Variants in ANKS1B observed in about 807,000 individuals in gnomAD.
The protein encoded by ANKS1B is ankyrin repeat and sterile alpha motif domain containing 1B.
ANKS1B carries 36 observed loss-of-function variants against 148.3 expected under a neutral mutation model. That is an observed-to-expected ratio of 0.24 (90% confidence interval 0.19 to 0.32). The LOEUF (loss-of-function observed/expected upper bound fraction) is 0.32. Among genes scored for constraint, ANKS1B ranks in the 10% least tolerant of loss-of-function variants. The pLI is 1.00. For synonymous variants in ANKS1B, 542 were observed against 560.8 expected (o/e 0.97, Z 0.47); for missense variants, 1,157 against 1,542.6 (o/e 0.75, Z 4.19).
chr12:99,856,403 T>C (rs182583807), intron 1 of ANKS1B, among the ~76,000 whole-genome samples: 168 of 151,358 alleles, frequency 1.1e-3, no homozygotes, highest in African/African-American at 3.6e-3. Context: ...AGCAGTGAGA[T>C]TGAAATGCTA....
chr12:99,730,840 T>C (rs2059068586), intron 8 of ANKS1B, among the ~76,000 whole-genome samples: 1 of 152,222 alleles, frequency 6.6e-6, no homozygotes, highest in South Asian at 2.1e-4. Flanking sequence ...CGTTTCTTCA[T>C]CTACTTATTA....
intron 17 of ANKS1B, among the ~76,000 whole-genome samples, chr12:98,942,960 GAGTTCA>G: frequency 6.6e-6 from 1 of 152,272 alleles, no homozygotes; most frequent in East Asian, 1.9e-4. Context: ...GAATAGTGAG[GAGTTCA>G]AATGAGAAAA....
chr12:99,258,035 T>C (rs2075483409), intron 12 of ANKS1B, among the ~76,000 whole-genome samples: 1 of 152,328 alleles, frequency 6.6e-6, no homozygotes, highest in East Asian at 1.9e-4. Flanking sequence ...TCAGAGTACC[T>C]AGACTGACAT....
intron 1 of ANKS1B, among the ~76,000 whole-genome samples, chr12:99,831,608 C>T (rs542472293): frequency 3.4e-4 from 52 of 152,246 alleles, no homozygotes; most frequent in African/African-American, 1.2e-3. Context: ...ACACTGCCTG[C>T]CTCCAGAGCT....
chr12:99,552,585 C>T (rs1294183829), intron 9 of ANKS1B, among the ~76,000 whole-genome samples: 1 of 151,008 alleles, frequency 6.6e-6, no homozygotes, highest in Non-Finnish European at 1.5e-5. Flanking sequence ...ATGATAAACA[C>T]ATTTTATCTT....
rs539745787 is a variant in ANKS1B, at chr12:99,406,004, C to T, written c.1576-6193G>A. On this transcript the variant is annotated intron_variant, in intron 11 of 26. Transcript: ENST00000683438. ...ATGATATCATAATTTCAAATATATA[C>T]GCACCCAGATATATAAAGCAAATAT... Among the ~76,000 whole-genome samples the T allele has an allele frequency of 9.0e-5, 13 of 144,886 alleles. 1 individual carries two copies. The highest frequency in any genetic ancestry group is 2.1e-4 in the South Asian group (1 of 4,744).
rs557027210 is a variant in ANKS1B at position 99,600,348 on chromosome 12, G to A, written c.1272+54719C>T. On this transcript the variant is annotated intron_variant, in intron 9 of 26. Coordinates refer to ENST00000683438, the MANE Select transcript of ANKS1B (RefSeq NM_001352186.2). ...GTGGTCCTTAAAACTTTTTCATCCC[G>A]TGACTACTCAAGCTCTACATCATTT... 2.6e-5 allele frequency among the ~76,000 whole-genome samples: 4 copies of A among 152,026 alleles called. 1 individual carries two copies. In the South Asian group the frequency reaches 6.3e-4, roughly 24 times the overall value.
At chr12:99,932,206 T>C (rs2094636282) in intron 1 of ANKS1B, among the ~76,000 whole-genome samples, 1 of 152,224 alleles carries the variant, frequency 6.6e-6, no homozygotes, top group South Asian at 2.1e-4. Flanking sequence ...ATTTTGGCTA[T>C]TGGGAATAGT....
intron 12 of ANKS1B, among the ~76,000 whole-genome samples, chr12:99,247,625 A>G (rs1206771636): frequency 6.6e-6 from 1 of 152,222 alleles, no homozygotes; most frequent in African/African-American, 2.4e-5. Context: ...GAAACCAATG[A>G]TGAATGATAA....
chr12:99,944,791 T>G (rs1343546166), intron 1 of ANKS1B, among the ~76,000 whole-genome samples: 1 of 152,152 alleles, frequency 6.6e-6, no homozygotes, highest in Non-Finnish European at 1.5e-5. Flanking sequence ...TTATGAATGT[T>G]CAGAGGAGGC....
intron 12 of ANKS1B, among the ~76,000 whole-genome samples, chr12:99,257,736 T>C (rs951756809): frequency 4.6e-5 from 7 of 152,186 alleles, no homozygotes; most frequent in African/African-American, 1.7e-4. Context: ...ATTAACTTTA[T>C]TACTTGATTT....
At chr12:99,876,927 G>A (rs1182735595) in intron 1 of ANKS1B, among the ~76,000 whole-genome samples, 5 of 152,082 alleles carry the variant, frequency 3.3e-5, no homozygotes, top group Admixed American at 3.3e-4. Context: ...CCACCCTTCT[G>A]CTGGTTACAC....
At chr12:99,646,646 C>A (rs896845426) in intron 9 of ANKS1B, among the ~76,000 whole-genome samples, 1 of 116,072 alleles carries the variant, frequency 8.6e-6, no homozygotes, top group African/African-American at 3.4e-5. Context: ...GAGTGAGACT[C>A]CATCTCAAAA....
chr12:99,832,330 A>G (rs1483351517), intron 1 of ANKS1B, among the ~76,000 whole-genome samples: 13 of 152,130 alleles, frequency 8.5e-5, no homozygotes, highest in Non-Finnish European at 1.6e-4. Flanking sequence ...GCTCATGCCT[A>G]TTATCTCAGC....
intron 8 of ANKS1B, among the ~76,000 whole-genome samples, chr12:99,768,643 T>C (rs1224008291): frequency 6.6e-6 from 1 of 151,750 alleles, no homozygotes; most frequent in African/African-American, 2.4e-5. Flanking sequence ...GTGGCCAACA[T>C]GGTGAAACCC....
At chr12:99,407,794 A>T (rs2094566863) in intron 11 of ANKS1B, among the ~76,000 whole-genome samples, 1 of 145,866 alleles carries the variant, frequency 6.9e-6, no homozygotes, top group African/African-American at 2.6e-5. Context: ...ACTTAACCAA[A>T]GAAGTAAAAG....
At chr12:99,637,585 G>C (rs1161294870) in intron 9 of ANKS1B, among the ~76,000 whole-genome samples, 1 of 151,988 alleles carries the variant, frequency 6.6e-6, no homozygotes, top group African/African-American at 2.4e-5. Context: ...TAGGATAAAA[G>C]CAGGCAGAAG....
intron 1 of ANKS1B, among the ~76,000 whole-genome samples, chr12:99,840,031 T>C (rs2153696554): frequency 6.6e-6 from 1 of 152,222 alleles, no homozygotes; most frequent in Non-Finnish European, 1.5e-5. Flanking sequence ...ACACAGCAGT[T>C]GGAGAAGGCT....
chr12:99,885,379 C>T (rs928251482), intron 1 of ANKS1B, among the ~76,000 whole-genome samples: 1 of 149,166 alleles, frequency 6.7e-6, no homozygotes. Flanking sequence ...TGGCTCACTG[C>T]AAGCTCTGCC....
Sources: gnomAD v4.1 joint callset for allele counts (sites outside exome capture counted in the v4.1 genomes callset) on GRCh38, gnomAD v4.1.1 for gene constraint, MANE v1.5 for transcripts, NCBI Gene and HGNC (gene_info 2026-07-23, HGNC 2026-07-21) for gene names.